The following JAKMIP3 variants were observed in gnomAD, a reference collection of about 807,000 sequenced individuals.
JAKMIP3 encodes the protein Janus kinase and microtubule interacting protein 3.
JAKMIP3 carries 58 observed loss-of-function variants against 118.5 expected under a neutral mutation model. The ratio of observed to expected loss-of-function variants is 0.49; its 90% CI spans 0.40 to 0.61. JAKMIP3 has a LOEUF of 0.61. JAKMIP3 is among the 20% of genes least tolerant of loss of function. The pLI, the probability that JAKMIP3 is intolerant of heterozygous loss-of-function variation, is 0.00. For synonymous variants in JAKMIP3, 486 were observed against 451.2 expected (o/e 1.08, Z -0.98); for missense variants, 950 against 1,109.0 (o/e 0.86, Z 2.04).
At chr10:132,046,078 T>A (rs2037905097) in intron 1 of JAKMIP3, among the ~76,000 whole-genome samples, 1 of 152,068 alleles carries the variant, frequency 6.6e-6, no homozygotes. Flanking sequence ...AACATAGCCA[T>A]CAGCCTAGAA....
intron 19 of JAKMIP3, among the ~76,000 whole-genome samples, chr10:132,159,901 G>T (rs2057835303): frequency 5.2e-5 from 1 of 19,056 alleles, no homozygotes; most frequent in Non-Finnish European, 9.5e-5. Flanking sequence ...ATGCTGGGGG[G>T]TCTCTTCCTG....
chr10:132,133,335 C>T lies in JAKMIP3; in HGVS notation c.657C>T (p.Asp219=). The change falls in exon 4 of 24, where the codon GAC becomes GAT. Residue 219 remains aspartate, a synonymous_variant. Coordinates refer to ENST00000684848, the MANE Select transcript of JAKMIP3 (RefSeq NM_001323087.2). ...AGATGGAGGAGATAAAATTTAAAGA[C>T]AGAGCAGTCTTCGTGCTGGAGAGAG... is the stretch of plus-strand genomic sequence containing the variant. ...RRLMEEIKFK[D]RAVFVLEREL... is the part of the protein sequence containing the mutation. The T allele has an allele frequency of 6.3e-7, 1 of 1,594,634 alleles. No homozygotes were observed. The highest frequency in any genetic ancestry group is 8.5e-7 in the Non-Finnish European group (1 of 1,170,596).
intron 13 of JAKMIP3, among the ~76,000 whole-genome samples, 194 bp downstream of exon 13, chr10:132,145,774 G>GCTGGGGCCTGTTCTC (rs935829698): frequency 1.3e-4 from 20 of 152,336 alleles, no homozygotes; most frequent in Admixed American, 1.3e-3. Flanking sequence ...GACAGAGGGA[G>GCTGGGGCCTGTTCTC]CTGGGGCCTG....
chr10:132,146,633 G>C (rs1037939988), intron 13 of JAKMIP3, among the ~76,000 whole-genome samples: 1 of 152,184 alleles, frequency 6.6e-6, no homozygotes, highest in Non-Finnish European at 1.5e-5. Flanking sequence ...AGCTAGGGTA[G>C]CCTGGCTGAT....
At chr10:132,100,300 C>T (rs1207886965) in intron 1 of JAKMIP3, among the ~76,000 whole-genome samples, 1 of 152,142 alleles carries the variant, frequency 6.6e-6, no homozygotes, top group East Asian at 1.9e-4. Flanking sequence ...CACGTGGGGC[C>T]GAGCCCTTGG....
intron 9 of JAKMIP3, among the ~76,000 whole-genome samples, chr10:132,139,062 GTGTGTGTA>G (rs1186457678): frequency 4.0e-5 from 6 of 150,656 alleles, no homozygotes; most frequent in East Asian, 3.9e-4. Context: ...GTGTGTGTGT[GTGTGTGTA>G]TGTGTATGTG....
intron 1 of JAKMIP3, among the ~76,000 whole-genome samples, chr10:132,101,948 G>A (rs1380119039): frequency 6.6e-6 from 1 of 151,978 alleles, no homozygotes; most frequent in Non-Finnish European, 1.5e-5. Flanking sequence ...ACTGTGGGAG[G>A]TGGGCCCACA....
chr10:132,111,271 G>A (rs1037007040), intron 2 of JAKMIP3, among the ~76,000 whole-genome samples: 4 of 152,194 alleles, frequency 2.6e-5, no homozygotes, highest in African/African-American at 7.2e-5. Flanking sequence ...GACAGGGGCC[G>A]AGGCAAGGGG....
intron 23 of JAKMIP3, among the ~76,000 whole-genome samples, chr10:132,176,247 C>T (rs1272463938): frequency 2.0e-5 from 3 of 152,238 alleles, no homozygotes; most frequent in Non-Finnish European, 4.4e-5. Context: ...AAGCAGCTCC[C>T]GTGCAGCCTC....
chr10:132,083,289 T>C (rs1004839910), intron 1 of JAKMIP3, among the ~76,000 whole-genome samples: 1 of 152,208 alleles, frequency 6.6e-6, no homozygotes, highest in Non-Finnish European at 1.5e-5. Context: ...TCATTAGTGA[T>C]GTTGAGCATT....
chr10:132,167,086 G>A, intron 22 of JAKMIP3, 31 bp downstream of exon 22: 11 of 1,466,068 alleles, frequency 7.5e-6, no homozygotes, highest in Non-Finnish European at 1.0e-5. Context: ...GCCCAGCAGG[G>A]GTCCCGCTCT....
At position 132,180,564 on chromosome 10, in the gene JAKMIP3, T is replaced by TGTGC. The variant is rs1565018469; in HGVS notation, c.*1104-1789_*1104-1786dup. 5.9e-5 allele frequency among the ~76,000 whole-genome samples: 3 copies of TGTGC among 50,770 alleles called. 1 individual carries two copies. The highest frequency in any genetic ancestry group is 1.2e-4 in the African/African-American group (1 of 8,682). The allele number at this position is 50,770 out of a possible 152,430, so 33.3% of individuals were successfully genotyped here. On this transcript the variant is annotated intron_variant, in intron 23 of 23. Transcript: ENST00000684848. The stretch of plus-strand genomic sequence containing the variant: ...GTGTGTGCGTGCGTGCATGCGTGTG[T>TGTGC]GTGCGTGTGTGTGTGCGTGCGCGTG...
At chr10:132,086,889 T>G (rs1251105107) in intron 1 of JAKMIP3, among the ~76,000 whole-genome samples, 3 of 152,222 alleles carry the variant, frequency 2.0e-5, no homozygotes, top group Non-Finnish European at 4.4e-5. Context: ...AGGTGCTGTT[T>G]CATTCATCAT....
chr10:132,074,347 T>G (rs1319648239), intron 1 of JAKMIP3, among the ~76,000 whole-genome samples: 1 of 152,204 alleles, frequency 6.6e-6, no homozygotes, highest in Non-Finnish European at 1.5e-5. Flanking sequence ...CCATGGCACC[T>G]GGCCCCATTT....
chr10:132,180,724 T>TGC (rs71228746), intron 23 of JAKMIP3, among the ~76,000 whole-genome samples: 558 of 19,082 alleles, frequency 0.029, 80 homozygotes, highest in East Asian at 0.051. Context: ...TGTGTGCGTG[T>TGC]GTGTGCGTGT....
intron 2 of JAKMIP3, among the ~76,000 whole-genome samples, chr10:132,107,322 G>A (rs1339405313): frequency 6.6e-6 from 1 of 152,224 alleles, no homozygotes; most frequent in Non-Finnish European, 1.5e-5. Flanking sequence ...ACATCCATCT[G>A]TGACGCCCCG....
In JAKMIP3 at chr10:132,163,192, C is replaced by T. The variant is rs1438013378; in HGVS notation, c.2221-17C>T. 27 of 1,548,860 alleles carry T rather than the reference C, an allele frequency of 1.7e-5. No homozygotes were observed. Among genetic ancestry groups the T allele is most frequent in the Non-Finnish European group, 2.3e-5 (26 of 1,146,016 alleles). ...GGGGAGAAGGCAAGGACTAAGGCGT[C>T]TCCCCTTCCGCCCCAGCACATCCTG... is the stretch of plus-strand genomic sequence containing the variant. On this transcript the variant is annotated splice_polypyrimidine_tract_variant and intron_variant, in intron 19 of 23. Coordinates refer to ENST00000684848, the MANE Select transcript of JAKMIP3 (RefSeq NM_001323087.2).
At chr10:132,165,771 C>T (rs2058836026) in intron 21 of JAKMIP3, among the ~76,000 whole-genome samples, 1 of 152,242 alleles carries the variant, frequency 6.6e-6, no homozygotes, top group African/African-American at 2.4e-5. Context: ...ACACCCATGC[C>T]CTTCCACTGG....
chr10:132,086,136 A>G (rs1211035107), intron 1 of JAKMIP3, among the ~76,000 whole-genome samples: 2 of 152,146 alleles, frequency 1.3e-5, no homozygotes, highest in Non-Finnish European at 2.9e-5. Context: ...ATTCAGGAGC[A>G]GGTTATTTAA....
Sources: allele counts gnomAD v4.1 joint callset (sites outside exome capture counted in the v4.1 genomes callset), GRCh38; gene constraint gnomAD v4.1.1; transcripts MANE v1.5; gene names NCBI Gene and HGNC (gene_info 2026-07-23, HGNC 2026-07-21).